Variants in TESC observed in about 807,000 individuals in gnomAD.
The protein encoded by TESC is tescalcin, also known as calcineurin B homologous protein 3.
In TESC, 19 loss-of-function variants were observed where a neutral mutation model predicts 31.0. The observed-to-expected ratio is 0.61, with a 90% confidence interval of 0.43 to 0.90. The LOEUF is 0.90. Among genes scored for constraint, TESC ranks in the 40% least tolerant of loss-of-function variants. The pLI is 0.00. For synonymous variants in TESC, 109 were observed against 114.8 expected (o/e 0.95, Z 0.32); for missense variants, 248 against 303.8 (o/e 0.82, Z 1.36).
intron 1 of TESC, among the ~76,000 whole-genome samples, chr12:117,088,656 G>T (rs1955255453): frequency 6.7e-6 from 1 of 149,594 alleles, no homozygotes; most frequent in Non-Finnish European, 1.5e-5. Context: ...ACCCCAGCCT[G>T]GGCGACAGAG....
chr12:117,044,298 A>G (rs1225200699), intron 6 of TESC, among the ~76,000 whole-genome samples: 1 of 152,250 alleles, frequency 6.6e-6, no homozygotes. Flanking sequence ...AAATTAAAAA[A>G]AAAATGAAAC....
intron 7 of TESC, among the ~76,000 whole-genome samples, chr12:117,041,247 G>T (rs191439078): frequency 6.6e-6 from 1 of 152,182 alleles, no homozygotes; most frequent in Non-Finnish European, 1.5e-5. Context: ...CGGGCGCAAC[G>T]TGTGCAGTCA....
At chr12:117,045,131 G>A (rs1201194220) in intron 6 of TESC, among the ~76,000 whole-genome samples, 1 of 152,200 alleles carries the variant, frequency 6.6e-6, no homozygotes, top group African/African-American at 2.4e-5. Context: ...TACACCAGAA[G>A]GTATTTTAGG....
chr12:117,092,665 T>C (rs1260732726), intron 1 of TESC, among the ~76,000 whole-genome samples: 1 of 152,148 alleles, frequency 6.6e-6, no homozygotes, highest in Non-Finnish European at 1.5e-5. Context: ...ATTCCTCCTC[T>C]GCTGAGGAGC....
intron 1 of TESC, among the ~76,000 whole-genome samples, chr12:117,085,292 G>T (rs1955205674): frequency 6.6e-6 from 1 of 152,150 alleles, no homozygotes; most frequent in Admixed American, 6.5e-5. Context: ...CAGGACATTT[G>T]GACTTGCCCT....
At chr12:117,050,296 C>T (rs1029075887) in intron 3 of TESC, among the ~76,000 whole-genome samples, 14 of 152,294 alleles carry the variant, frequency 9.2e-5, no homozygotes, top group African/African-American at 2.9e-4. Flanking sequence ...CTGCGTGGCC[C>T]GCAAAGCCTA....
At chr12:117,090,933 A>C (rs7959367) in intron 1 of TESC, among the ~76,000 whole-genome samples, 1 of 152,090 alleles carries the variant, frequency 6.6e-6, no homozygotes, top group South Asian at 2.1e-4. Context: ...CCCCCCTTTG[A>C]GGACTGCTGT....
intron 1 of TESC, among the ~76,000 whole-genome samples, chr12:117,075,883 A>G (rs1186215010): frequency 0.024 from 630 of 25,854 alleles, 32 homozygotes; most frequent in African/African-American, 0.037. Context: ...GTGTATATAT[A>G]TATATATATA....
intron 1 of TESC, 85 bp from the exon 2 acceptor site, chr12:117,075,425 C>T (rs1955036984): frequency 6.9e-7 from 1 of 1,457,752 alleles, no homozygotes; most frequent in Non-Finnish European, 9.4e-7. Context: ...TTCTTTTGCC[C>T]CATCCCCACT....
At chr12:117,075,869 A>ATATATATGTGTGTGTG (rs1955049402) in intron 1 of TESC, among the ~76,000 whole-genome samples, 1 of 31,442 alleles carries the variant, frequency 3.2e-5, no homozygotes, top group African/African-American at 8.3e-5. Context: ...ATATATATAT[A>ATATATATGTGTGTGTG]TGTGTGTATA....
intron 6 of TESC, among the ~76,000 whole-genome samples, chr12:117,043,399 T>G (rs1954513056): frequency 6.6e-6 from 1 of 152,154 alleles, no homozygotes; most frequent in African/African-American, 2.4e-5. Flanking sequence ...TCTAAGCATG[T>G]TATGCACCAG....
intron 3 of TESC, among the ~76,000 whole-genome samples, chr12:117,056,377 A>G (rs1305987656): frequency 7.3e-6 from 1 of 137,562 alleles, no homozygotes; most frequent in Non-Finnish European, 1.5e-5. Context: ...TTTTTTAAAA[A>G]GTCTTATTTT....
intron 6 of TESC, among the ~76,000 whole-genome samples, chr12:117,044,312 G>A (rs1384338831): frequency 3.9e-5 from 6 of 152,074 alleles, no homozygotes; most frequent in Admixed American, 2.6e-4. Context: ...ATGAAACCCA[G>A]CAGTTCTCGG....
At chr12:117,069,237 TAACAA>T (rs1954931576) in intron 2 of TESC, among the ~76,000 whole-genome samples, 1 of 152,056 alleles carries the variant, frequency 6.6e-6, no homozygotes. Context: ...AAAGGGAACA[TAACAA>T]AATGAAATTT....
intron 3 of TESC, among the ~76,000 whole-genome samples, 173 bp from the exon 4 acceptor site, chr12:117,049,331 C>A (rs910164450): frequency 6.6e-6 from 1 of 152,232 alleles, no homozygotes; most frequent in Non-Finnish European, 1.5e-5. Flanking sequence ...CTGCAGGCTC[C>A]GGAAGCTGAA....
At position 117,099,366 on chromosome 12, in the gene TESC, G is replaced by A. The variant is rs555773630; in HGVS notation, c.-84C>T. Reference sequence around the variant, plus strand: ...GCTGCGCAGCGGCGGGACTGGCCTCGGGTCCGGCCTCGGGTCGGGACGCCG... The same window carrying A: ...GCTGCGCAGCGGCGGGACTGGCCTCAGGTCCGGCCTCGGGTCGGGACGCCG... On this transcript the variant is annotated 5_prime_UTR_variant, in exon 1 of 8. Transcript: ENST00000335209. 87 of 1,283,594 alleles carry A rather than the reference G, an allele frequency of 6.8e-5. No individual in the cohort carries two copies. The South Asian group carries it at 1.4e-3, about 21-fold the overall frequency. 79.5% of individuals were successfully genotyped at this position (1,283,594 alleles called of 1,614,324 possible).
intron 2 of TESC, among the ~76,000 whole-genome samples, chr12:117,073,657 A>G (rs77320774): frequency 2.0e-5 from 3 of 152,350 alleles, no homozygotes; most frequent in East Asian, 3.9e-4. Flanking sequence ...AACAAGCTGT[A>G]ACCTTGAGAC....
intron 3 of TESC, among the ~76,000 whole-genome samples, chr12:117,050,436 T>A (rs1402084719): frequency 6.6e-6 from 1 of 152,222 alleles, no homozygotes; most frequent in African/African-American, 2.4e-5. Flanking sequence ...AAATACAAAG[T>A]TTGCCAAGGA....
At chr12:117,085,365 G>A (rs1334155400) in intron 1 of TESC, among the ~76,000 whole-genome samples, 1 of 152,182 alleles carries the variant, frequency 6.6e-6, no homozygotes, top group African/African-American at 2.4e-5. Context: ...AGACAGCGTG[G>A]GTGTGGATGA....
Sources: allele counts gnomAD v4.1 joint callset (sites outside exome capture counted in the v4.1 genomes callset), GRCh38; gene constraint gnomAD v4.1.1; transcripts MANE v1.5; gene names NCBI Gene and HGNC (gene_info 2026-07-23, HGNC 2026-07-21).